The following PARP1 variants were observed in gnomAD, a reference collection of about 807,000 sequenced individuals.
PARP1 encodes poly [ADP-ribose] polymerase 1.
A neutral mutation model predicts 118.7 loss-of-function variants in PARP1; 44 were observed. The observed-to-expected ratio is 0.37, with a 90% CI of 0.29 to 0.48. The LOEUF is 0.48. Ranked by LOEUF, PARP1 falls within the 20% of genes least tolerant of loss-of-function variation. The pLI is 0.99. For missense variants in PARP1, 1,100 were observed against 1,272.4 expected (o/e 0.86, Z 2.06); for synonymous variants, 492 against 483.2 (o/e 1.02, Z -0.24).
At chr1:226,404,443 A>G (rs1028238896) in intron 1 of PARP1, among the ~76,000 whole-genome samples, 7 of 152,182 alleles carry the variant, frequency 4.6e-5, no homozygotes, top group African/African-American at 1.7e-4. Context: ...GCAATGTTCC[A>G]GTTACCCTTG....
At chr1:226,405,013 C>T (rs367807634) in intron 1 of PARP1, among the ~76,000 whole-genome samples, 223 of 152,304 alleles carry the variant, frequency 1.5e-3, no homozygotes, top group African/African-American at 4.9e-3. Flanking sequence ...GCTCATCCCT[C>T]CCAAGATGCC....
intron 1 of PARP1, among the ~76,000 whole-genome samples, chr1:226,405,274 G>A (rs1467569219): frequency 5.3e-5 from 8 of 151,954 alleles, no homozygotes; most frequent in African/African-American, 1.9e-4. Flanking sequence ...TATACCAAAG[G>A]AAAGCCCAGA....
At chr1:226,374,068 C>G (rs1664445146) in intron 14 of PARP1, among the ~76,000 whole-genome samples, 158 bp downstream of exon 14, 1 of 152,214 alleles carries the variant, frequency 6.6e-6, no homozygotes, top group Non-Finnish European at 1.5e-5. Context: ...CAGGCCCCAA[C>G]ACTCACACAA....
intron 14 of PARP1, 140 bp downstream of exon 14, chr1:226,374,086 T>C: frequency 2.0e-6 from 2 of 995,122 alleles, no homozygotes; most frequent in Admixed American, 1.8e-5. Context: ...CAATTTAAGA[T>C]TGAAGGACAG....
chr1:226,404,957 A>G (rs1665114980), intron 1 of PARP1, among the ~76,000 whole-genome samples: 1 of 152,096 alleles, frequency 6.6e-6, no homozygotes, highest in Non-Finnish European at 1.5e-5. Context: ...AGAGCAACTC[A>G]AAGGTCTACC....
chr1:226,403,629 A>C (rs1438671766), intron 1 of PARP1, among the ~76,000 whole-genome samples: 1 of 152,204 alleles, frequency 6.6e-6, no homozygotes, highest in African/African-American at 2.4e-5. Flanking sequence ...AGATGGAGAC[A>C]GTGGGGCTGG....
intron 2 of PARP1, among the ~76,000 whole-genome samples, chr1:226,396,412 CAA>C (rs34854741): frequency 1.4e-4 from 19 of 133,750 alleles, no homozygotes; most frequent in East Asian, 2.0e-4. Context: ...ATTTTGCCAC[CAA>C]AAAAAAAAAA....
intron 21 of PARP1, 27 bp from the exon 22 acceptor site, chr1:226,362,110 T>C: frequency 1.5e-6 from 2 of 1,311,498 alleles, no homozygotes; most frequent in Non-Finnish European, 2.2e-6. Context: ...ACAAGTGACA[T>C]GAACTGTGAG....
At position 226,361,489 on chromosome 1, in the gene PARP1, T is replaced by C; in HGVS notation, c.3016A>G (p.Lys1006Glu). ...CACAGGGAGGTCTTAAAATTGAATT[T>C]CAGTTTCAGCAGATACTTCAGATTT... ...QVNLKYLLKL[K>E]FNFKTSLW The change falls in exon 23 of 23, where the codon AAA becomes GAA. Residue 1006 changes from lysine (K) to glutamate (E), a missense_variant. By Grantham distance (56) the Lys-to-Glu change is moderately conservative (BLOSUM62 1). Coordinates refer to ENST00000366794, the MANE Select transcript of PARP1 (RefSeq NM_001618.4). 2 of 1,613,102 alleles carry C rather than the reference T, an allele frequency of 1.2e-6. No individual in the cohort carries two copies. The highest frequency in any genetic ancestry group is 1.7e-6 in the Non-Finnish European group (2 of 1,179,058).
chr1:226,398,718 G>A (rs1664972608), intron 2 of PARP1, among the ~76,000 whole-genome samples: 1 of 152,192 alleles, frequency 6.6e-6, no homozygotes, highest in African/African-American at 2.4e-5. Flanking sequence ...AACACCAAAT[G>A]CTGGCAAAGA....
At chr1:226,364,757 G>A (rs1664219941) in intron 19 of PARP1, among the ~76,000 whole-genome samples, 2 of 152,256 alleles carry the variant, frequency 1.3e-5, no homozygotes, top group African/African-American at 4.8e-5. Context: ...TCTGTTCTTT[G>A]CTTGTCAACA....
chr1:226,407,493 C>A (rs1368186544), intron 1 of PARP1, among the ~76,000 whole-genome samples: 1 of 152,120 alleles, frequency 6.6e-6, no homozygotes, highest in Non-Finnish European at 1.5e-5. Flanking sequence ...CCCCCCCAAC[C>A]CCTGAGGCGA....
At chr1:226,364,203 A>G in intron 19 of PARP1, 133 bp from the exon 20 acceptor site, 1 of 866,132 alleles carries the variant, frequency 1.2e-6, no homozygotes, top group Non-Finnish European at 1.9e-6. Flanking sequence ...CACAATGCCC[A>G]TGGTGAGGAA....
Position 226,363,014 on chromosome 1 carries a change from G to A in PARP1, c.2848+85C>T, listed in dbSNP as rs1474907582. The A allele has an allele frequency of 5.6e-6, 5 of 896,790 alleles. No individual in the cohort carries two copies. The African/African-American group carries it at 6.5e-5, about 12-fold the overall frequency. 55.6% of individuals were successfully genotyped at this position (896,790 alleles called of 1,614,324 possible). Reference sequence around the variant, plus strand: ...CAGCTGTTTGACAGCCAGCCACAAGGCAGCCTTCTCAGGACAGCAAGCCCC... The same window carrying A: ...CAGCTGTTTGACAGCCAGCCACAAGACAGCCTTCTCAGGACAGCAAGCCCC... On this transcript the variant is annotated intron_variant, in intron 21 of 22. Transcript: ENST00000366794.
intron 16 of PARP1, among the ~76,000 whole-genome samples, chr1:226,367,943 G>C (rs138001934): frequency 1.8e-4 from 28 of 152,328 alleles, no homozygotes; most frequent in African/African-American, 6.3e-4. Context: ...GGGAAAATGG[G>C]GAGGAAGATG....
At chr1:226,379,892 G>A (rs779152332) in intron 10 of PARP1, 30 bp downstream of exon 10, 31 of 1,612,494 alleles carry the variant, frequency 1.9e-5, no homozygotes, top group Non-Finnish European at 5.9e-6. Context: ...CTGGCTTTTG[G>A]CCCTGGAGGG....
intron 2 of PARP1, among the ~76,000 whole-genome samples, chr1:226,396,704 C>A (rs1435095913): frequency 6.6e-6 from 1 of 152,120 alleles, no homozygotes; most frequent in Non-Finnish European, 1.5e-5. Context: ...TCAGTAAAAT[C>A]ATTATGCCTT....
intron 8 of PARP1, 39 bp downstream of exon 8, chr1:226,382,997 T>G: frequency 6.2e-7 from 1 of 1,609,560 alleles, no homozygotes; most frequent in Non-Finnish European, 8.5e-7. Context: ...AAACAATTCC[T>G]GCAAAGCAGC....
chr1:226,405,808 A>G (rs1258861688), intron 1 of PARP1, among the ~76,000 whole-genome samples: 1 of 152,114 alleles, frequency 6.6e-6, no homozygotes, highest in East Asian at 1.9e-4. Flanking sequence ...AACATTTAAA[A>G]ATGCGTAATA....
Sources: allele counts gnomAD v4.1 joint callset (sites outside exome capture counted in the v4.1 genomes callset), GRCh38; gene constraint gnomAD v4.1.1; transcripts MANE v1.5; gene names NCBI Gene and HGNC (gene_info 2026-07-23, HGNC 2026-07-21).